KIRREL3: variants seen among roughly 807,000 people sequenced by gnomAD.
KIRREL3 encodes kin of IRRE-like protein 3.
A neutral mutation model predicts 89.7 loss-of-function variants in KIRREL3; 36 were observed. That is an observed-to-expected ratio of 0.40 (90% confidence interval 0.31 to 0.53). KIRREL3 has a LOEUF of 0.53. KIRREL3 is among the 20% of genes least tolerant of loss of function. The pLI, the probability that KIRREL3 is intolerant of heterozygous loss-of-function variation, is 0.49. For synonymous variants in KIRREL3, 445 were observed against 441.4 expected, an observed-to-expected ratio of 1.01 and a Z score of -0.10; for missense variants, 864 against 1,056.6, an observed-to-expected ratio of 0.82 and a Z score of 2.53.
rs1447979214 is a variant in KIRREL3, at chr11:126,636,391, G to A, written c.56-73479C>T. On this transcript the variant is annotated intron_variant, in intron 1 of 16. Transcript: ENST00000525144. The surrounding 1 kb of genome is among the most constrained non-coding windows in gnomAD (Gnocchi z 4.4). ...CGTTTAACAGATGCCCTGTAAGTGAGTGCCTTCCTCTTTCTCCCTTCTGGC... is the reference window on the plus strand; with the variant it reads ...CGTTTAACAGATGCCCTGTAAGTGAATGCCTTCCTCTTTCTCCCTTCTGGC... Among the ~76,000 whole-genome samples the A allele has an allele frequency of 6.6e-6, 1 of 152,218 alleles. No individual in the cohort carries two copies. The highest frequency in any genetic ancestry group is 1.9e-4 in the East Asian group (1 of 5,192).
Position 126,740,981 on chromosome 11 carries a change from T to A in KIRREL3, c.56-178069A>T, listed in dbSNP as rs1948962144. 1.3e-5 allele frequency among the ~76,000 whole-genome samples: 2 copies of A among 152,096 alleles called. No individual in the cohort carries two copies. The stretch of plus-strand genomic sequence containing the variant: ...TTGGGGCTGAGTGAGAATAGGAAAG[T>A]GGCAGAACAGGGAAAAGGTTCCACC... On this transcript the variant is annotated intron_variant, in intron 1 of 16. Coordinates refer to ENST00000525144, the MANE Select transcript of KIRREL3 (RefSeq NM_032531.4). This position sits in a 1 kb window ranked among gnomAD's most constrained non-coding sequence, Gnocchi z 6.0.
Position 126,570,433 on chromosome 11 carries a change from A to G in KIRREL3, c.56-7521T>C, listed in dbSNP as rs1940839913. Among the ~76,000 whole-genome samples, 1 of 152,214 alleles carries G rather than the reference A, an allele frequency of 6.6e-6. No individual in the cohort carries two copies. Among genetic ancestry groups the G allele is most frequent in the African/African-American group, 2.4e-5 (1 of 41,454 alleles). The stretch of plus-strand genomic sequence containing the variant: ...TTACGTTTTTGAAATAATGAGTTCT[A>G]TAACATTTCATGTCAAGTTATTGTC... On this transcript the variant is annotated intron_variant, in intron 1 of 16. Coordinates refer to ENST00000525144, the MANE Select transcript of KIRREL3 (RefSeq NM_032531.4). The surrounding 1 kb of genome is among the most constrained non-coding windows in gnomAD (Gnocchi z 6.1).
chr11:126,481,382 A>G (rs1161645974), intron 4 of KIRREL3, among the ~76,000 whole-genome samples: 1 of 152,076 alleles, frequency 6.6e-6, no homozygotes, highest in Non-Finnish European at 1.5e-5. Context: ...TGTGAACTCA[A>G]CTCACATCTT....
At chr11:126,756,447 G>A (rs962681870) in intron 1 of KIRREL3, among the ~76,000 whole-genome samples, 1 of 152,272 alleles carries the variant, frequency 6.6e-6, no homozygotes, top group African/African-American at 2.4e-5. Context: ...GAGGGCTTCA[G>A]TACAAGGCCC....
In KIRREL3 at chr11:126,457,533, C is replaced by CGA. The variant is rs146550156; in HGVS notation, c.743-1081_743-1080dup. 1.3e-4 allele frequency among the ~76,000 whole-genome samples: 19 copies of CGA among 149,192 alleles called. No individual in the cohort carries two copies. The East Asian group carries it at 2.2e-3, about 17-fold the overall frequency. On this transcript the variant is annotated intron_variant, in intron 6 of 16. Coordinates refer to ENST00000525144, the MANE Select transcript of KIRREL3 (RefSeq NM_032531.4). ...TGTGTGTGTGTATGTGTGTGTAGAG[C>CGA]GAGAGAGAGAGAGACAAAGATGAGG...
Position 126,473,308 on chromosome 11 carries a change from C to T in KIRREL3, c.591+1G>A. On this transcript the variant is annotated splice_donor_variant, in intron 5 of 16. Transcript: ENST00000525144. LOFTEE classifies it high-confidence loss of function. ...CCCACCCCCTCCCCTCCAGGCCTCA[C>T]CTTGGAGTAGGTGGCCCCATTGATG... 1.4e-6 allele frequency: 2 copies of T among 1,404,784 alleles called. No individual in the cohort carries two copies. The highest frequency in any genetic ancestry group is 1.9e-6 in the Non-Finnish European group (2 of 1,057,502). 87.0% of individuals were successfully genotyped at this position (1,404,784 alleles called of 1,614,324 possible).
Position 126,513,596 on chromosome 11 carries a change from C to A in KIRREL3, c.433+7719G>T, listed in dbSNP as rs1430724321. Among the ~76,000 whole-genome samples, 2 of 152,144 alleles carry A rather than the reference C, an allele frequency of 1.3e-5. No individual in the cohort carries two copies. The highest frequency in any genetic ancestry group is 2.4e-5 in the African/African-American group (1 of 41,430). The stretch of plus-strand genomic sequence containing the variant: ...CCTCATTTCCCAACATGAGGGACGA[C>A]CCCAGGCTGGGGGAGAGTTTTGACA... On this transcript the variant is annotated intron_variant, in intron 4 of 16. Coordinates refer to ENST00000525144, the MANE Select transcript of KIRREL3 (RefSeq NM_032531.4). This position sits in a 1 kb window ranked among gnomAD's most constrained non-coding sequence, Gnocchi z 5.9.
intron 1 of KIRREL3, among the ~76,000 whole-genome samples, chr11:126,840,357 G>T (rs1943922895): frequency 1.3e-5 from 2 of 152,144 alleles, no homozygotes; most frequent in African/African-American, 4.8e-5. Flanking sequence ...CAAGTTTAAG[G>T]ATCTCAGTTA....
In KIRREL3 at chr11:126,612,186, T is replaced by C. The variant is rs553247116; in HGVS notation, c.56-49274A>G. 1.3e-5 allele frequency among the ~76,000 whole-genome samples: 2 copies of C among 152,208 alleles called. No individual in the cohort carries two copies. Among genetic ancestry groups the C allele is most frequent in the South Asian group, 2.1e-4 (1 of 4,804 alleles). On this transcript the variant is annotated intron_variant, in intron 1 of 16. Transcript: ENST00000525144. This position sits in a 1 kb window ranked among gnomAD's most constrained non-coding sequence, Gnocchi z 4.5. The stretch of plus-strand genomic sequence containing the variant: ...GTATTATATGAACACCCCTGGCATA[T>C]AATAAGTGCTCCCTCAGAATTTGAG...
chr11:126,659,128 C>A (rs764110003), intron 1 of KIRREL3, among the ~76,000 whole-genome samples: 1 of 152,208 alleles, frequency 6.6e-6, no homozygotes, highest in Non-Finnish European at 1.5e-5. Context: ...CTCTTGCCTG[C>A]AAGGATATAG....
At chr11:126,618,538 G>A (rs778656056) in intron 1 of KIRREL3, among the ~76,000 whole-genome samples, 3 of 152,128 alleles carry the variant, frequency 2.0e-5, no homozygotes, top group Admixed American at 6.5e-5. Flanking sequence ...GGGTTCAAGC[G>A]ATTCTCCTGC....
chr11:126,467,958 C>G (rs140666139), intron 5 of KIRREL3, among the ~76,000 whole-genome samples: 57 of 152,230 alleles, frequency 3.7e-4, no homozygotes, highest in Admixed American at 3.9e-4. Flanking sequence ...GGGCACTTAT[C>G]CCTTTCCTGA....
chr11:127,001,076 G>A (rs979920571), upstream of KIRREL3: 12 of 160,466 alleles, frequency 7.5e-5, no homozygotes, highest in African/African-American at 2.4e-5. Flanking sequence ...TCCACACGAT[G>A]TCCTGTTTAA....
rs1385101330 is a variant in KIRREL3, at chr11:126,526,522, G to A, written c.283+16C>T. 2 of 1,608,400 alleles carry A rather than the reference G, an allele frequency of 1.2e-6. No individual in the cohort carries two copies. The highest frequency in any genetic ancestry group is 1.3e-5 in the African/African-American group (1 of 74,832). ...GATGGCCCCAGGCCCACCCCAGGAG[G>A]TCTGGAGGTACTCACTTGAGAGGTC... is the stretch of plus-strand genomic sequence containing the variant. On this transcript the variant is annotated intron_variant, in intron 3 of 16. Coordinates refer to ENST00000525144, the MANE Select transcript of KIRREL3 (RefSeq NM_032531.4). The surrounding 1 kb of genome is among the most constrained non-coding windows in gnomAD (Gnocchi z 5.7).
At chr11:126,716,271 G>A (rs1008207758) in intron 1 of KIRREL3, among the ~76,000 whole-genome samples, 32 of 152,166 alleles carry the variant, frequency 2.1e-4, no homozygotes, top group African/African-American at 7.0e-4. Flanking sequence ...ACTAAGAAGA[G>A]CAAAGCAGCT....
intron 1 of KIRREL3, among the ~76,000 whole-genome samples, chr11:126,819,211 G>A (rs368171717): frequency 6.6e-6 from 1 of 152,136 alleles, no homozygotes. Context: ...GCGACGGTCC[G>A]GTCAGCCAGG....
intron 6 of KIRREL3, 35 bp from the exon 7 acceptor site, chr11:126,456,489 A>G (rs1436778545): frequency 1.5e-6 from 2 of 1,375,202 alleles, no homozygotes; most frequent in Admixed American, 2.0e-5. Context: ...TAGACCGGAG[A>G]AAGAATGGGG....
At position 126,579,322 on chromosome 11, in the gene KIRREL3, G is replaced by A. The variant is rs115729787; in HGVS notation, c.56-16410C>T. Reference sequence around the variant, plus strand: ...TTGCATCCAGGGCCAAGGGGTGCAAGCTGCTCTGTCAGTTATGACTTCCTC... The same window carrying A: ...TTGCATCCAGGGCCAAGGGGTGCAAACTGCTCTGTCAGTTATGACTTCCTC... On this transcript the variant is annotated intron_variant, in intron 1 of 16. Coordinates refer to ENST00000525144, the MANE Select transcript of KIRREL3 (RefSeq NM_032531.4). This position sits in a 1 kb window ranked among gnomAD's most constrained non-coding sequence, Gnocchi z 5.3. Among the ~76,000 whole-genome samples, 762 of 152,272 alleles carry A rather than the reference G, an allele frequency of 5.0e-3. 9 individuals are homozygous for A. The highest frequency in any genetic ancestry group is 0.017 in the African/African-American group (716 of 41,556).
chr11:126,846,839 A>G (rs1944159470), intron 1 of KIRREL3, among the ~76,000 whole-genome samples: 1 of 152,204 alleles, frequency 6.6e-6, no homozygotes, highest in Non-Finnish European at 1.5e-5. Flanking sequence ...CAGTTGAACA[A>G]ATTGTGAAAG....
Sources: gnomAD v4.1 joint callset for allele counts (sites outside exome capture counted in the v4.1 genomes callset) on GRCh38, gnomAD v4.1.1 for gene constraint, Gnocchi (gnomAD v3.1) non-coding constraint, MANE v1.5 for transcripts, NCBI Gene and HGNC (gene_info 2026-07-23, HGNC 2026-07-21) for gene names.